Variants in NRG3 observed in about 807,000 individuals in gnomAD.
NRG3 encodes pro-neuregulin-3, membrane-bound isoform.
NRG3 carries 31 observed loss-of-function variants against 66.9 expected under a neutral mutation model. That is an observed-to-expected ratio of 0.46 (90% CI 0.35 to 0.63). The LOEUF (loss-of-function observed/expected upper bound fraction) is 0.63. Ranked by LOEUF, NRG3 falls within the 20% of genes least tolerant of loss-of-function variation. The pLI is 0.00. For missense variants in NRG3, 910 were observed against 878.9 expected (o/e 1.04, Z -0.45); for synonymous variants, 393 against 359.4 (o/e 1.09, Z -1.06).
At chr10:82,786,878 T>C (rs1181088149) in intron 3 of NRG3, among the ~76,000 whole-genome samples, 3 of 152,154 alleles carry the variant, frequency 2.0e-5, no homozygotes, top group Non-Finnish European at 4.4e-5. Context: ...ACAGACACCC[T>C]CCTCTGTCTC....
chr10:82,025,237 CTTA>C (rs1196377043), intron 1 of NRG3, among the ~76,000 whole-genome samples: 4 of 150,018 alleles, frequency 2.7e-5, no homozygotes, highest in Admixed American at 1.3e-4. Flanking sequence ...TATTAAATAT[CTTA>C]TTAATATTTT....
chr10:81,960,703 G>A lies in NRG3; in HGVS notation c.823+84540G>A, dbSNP rs557993583. Among the ~76,000 whole-genome samples, 17 of 151,162 alleles carry A rather than the reference G, an allele frequency of 1.1e-4. No homozygotes were observed. The South Asian group carries it at 3.2e-3, about 28-fold the overall frequency. On this transcript the variant is annotated intron_variant, in intron 1 of 8. Transcript: ENST00000372141. ...TTTCCTCCATACTGTCCTGCAGCCT[G>A]GGCGTTCCTTTGCCATAGTTGCTGG...
intron 1 of NRG3, among the ~76,000 whole-genome samples, chr10:82,250,464 T>C (rs2077431996): frequency 1.3e-5 from 2 of 152,034 alleles, no homozygotes; most frequent in South Asian, 4.2e-4. Context: ...CAGGCACCTG[T>C]AATTCCAGCT....
intron 3 of NRG3, among the ~76,000 whole-genome samples, chr10:82,749,160 G>A (rs1282000905): frequency 1.3e-5 from 2 of 152,074 alleles, no homozygotes; most frequent in Non-Finnish European, 1.5e-5. Context: ...AGTTGCAGTC[G>A]GAGTAGGGAA....
At chr10:82,292,585 G>A (rs974333146) in intron 1 of NRG3, among the ~76,000 whole-genome samples, 2 of 152,148 alleles carry the variant, frequency 1.3e-5, no homozygotes, top group Non-Finnish European at 2.9e-5. Context: ...AAACAACCTA[G>A]TTGTTCTCTG....
At position 82,865,348 on chromosome 10, in the gene NRG3, G is replaced by T. The variant is rs1029909940; in HGVS notation, c.1028-63G>T. ...TTATGAGCACTGATTTCCATGTATA[G>T]AGCTTTTTCTAACCTTTTTCTCTTT... is the stretch of plus-strand genomic sequence containing the variant. On this transcript the variant is annotated intron_variant, in intron 3 of 8. Transcript: ENST00000372141. The T allele has an allele frequency of 9.1e-5, 142 of 1,558,642 alleles. 1 individual carries two copies. The South Asian group carries it at 1.5e-3, about 17-fold the overall frequency.
At chr10:82,418,458 G>A (rs113766481) in intron 2 of NRG3, among the ~76,000 whole-genome samples, 1 of 152,082 alleles carries the variant, frequency 6.6e-6, no homozygotes, top group Non-Finnish European at 1.5e-5. Flanking sequence ...TTATGCAAAT[G>A]AAAAGAGGAG....
intron 2 of NRG3, among the ~76,000 whole-genome samples, chr10:82,439,811 C>T (rs1419441151): frequency 2.0e-5 from 3 of 151,902 alleles, no homozygotes; most frequent in Non-Finnish European, 4.4e-5. Context: ...GCTAGTATTT[C>T]ACTTTCAATT....
chr10:82,294,434 A>AGTGTGTGTGTGTGTGTGT (rs35072007), intron 1 of NRG3, among the ~76,000 whole-genome samples: 1 of 149,070 alleles, frequency 6.7e-6, no homozygotes, highest in Non-Finnish European at 1.5e-5. Flanking sequence ...CTACTGATGA[A>AGTGTGTGTGTGTGTGTGT]GTGTGTGTGT....
At chr10:82,093,374 T>C (rs1466879238) in intron 1 of NRG3, among the ~76,000 whole-genome samples, 2 of 152,210 alleles carry the variant, frequency 1.3e-5, no homozygotes, top group Admixed American at 6.5e-5. Context: ...CCTTCTACCA[T>C]TGTGAATCTT....
At chr10:82,296,794 T>C (rs1168719353) in intron 1 of NRG3, among the ~76,000 whole-genome samples, 1 of 151,994 alleles carries the variant, frequency 6.6e-6, no homozygotes, top group Non-Finnish European at 1.5e-5. Flanking sequence ...TTTTTTTAGA[T>C]TTGGGGGATA....
Position 82,582,662 on chromosome 10 carries a change from TTGTGTG to T in NRG3, c.954-155883_954-155878del, listed in dbSNP as rs141112949. Among the ~76,000 whole-genome samples, 1,324 of 146,468 alleles carry T rather than the reference TTGTGTG, an allele frequency of 9.0e-3. 7 individuals carry two copies. Among genetic ancestry groups the T allele is most frequent in the African/African-American group, 0.015 (623 of 40,308 alleles). On this transcript the variant is annotated intron_variant, in intron 2 of 8. Coordinates refer to ENST00000372141, the MANE Select transcript of NRG3 (RefSeq NM_001010848.4). ...GAAGAGGGAAAAATATCTATATGTG[TTGTGTG>T]TGTGTGTGTGTGTGTGTGTGTGTGT...
chr10:82,593,264 A>G (rs904051803), intron 2 of NRG3, among the ~76,000 whole-genome samples: 29 of 152,290 alleles, frequency 1.9e-4, no homozygotes, highest in African/African-American at 6.7e-4. Flanking sequence ...TTGTTGCCCC[A>G]TGGGGCTGGA....
intron 1 of NRG3, among the ~76,000 whole-genome samples, chr10:82,348,861 G>C (rs868384371): frequency 6.8e-6 from 1 of 148,096 alleles, no homozygotes; most frequent in Non-Finnish European, 1.5e-5. Context: ...TGATTGCATC[G>C]GCTCCTGAGG....
intron 1 of NRG3, among the ~76,000 whole-genome samples, chr10:82,337,889 T>C (rs888179193): frequency 1.1e-4 from 16 of 152,190 alleles, no homozygotes; most frequent in Non-Finnish European, 5.9e-5. Flanking sequence ...GAATAATAAG[T>C]AATATTTTAA....
intron 2 of NRG3, among the ~76,000 whole-genome samples, chr10:82,600,912 A>G (rs569020289): frequency 2.0e-5 from 3 of 152,070 alleles, no homozygotes; most frequent in South Asian, 2.1e-4. Context: ...ATAGAACCCA[A>G]TAGGAAGTTT....
chr10:82,658,561 G>GA (rs11295837), intron 2 of NRG3, among the ~76,000 whole-genome samples: 47 of 148,346 alleles, frequency 3.2e-4, no homozygotes, highest in Admixed American at 1.5e-3. Context: ...AAAAAAGCCA[G>GA]AAAAAAAAAA....
rs373916096 is a variant in NRG3 at position 81,877,969 on chromosome 10, T to C, written c.823+1806T>C. On this transcript the variant is annotated intron_variant, in intron 1 of 8. Coordinates refer to ENST00000372141, the MANE Select transcript of NRG3 (RefSeq NM_001010848.4). ...ATGCAGTTGATAGAATAATGGAGTG[T>C]GGTATACCTCCAACCCTTGTATGCG... 2.6e-3 allele frequency: 4,012 copies of C among 1,537,666 alleles called. 9 individuals carry two copies. The highest frequency in any genetic ancestry group is 3.2e-3 in the Non-Finnish European group (3,626 of 1,146,962).
intron 1 of NRG3, among the ~76,000 whole-genome samples, chr10:81,900,157 C>T (rs1303884998): frequency 2.0e-5 from 3 of 152,082 alleles, no homozygotes; most frequent in African/African-American, 7.2e-5. Context: ...CCATGTTGTC[C>T]AGGCTGGTCT....
Sources: allele counts gnomAD v4.1 joint callset (sites outside exome capture counted in the v4.1 genomes callset), GRCh38; gene constraint gnomAD v4.1.1; transcripts MANE v1.5; gene names NCBI Gene and HGNC (gene_info 2026-07-23, HGNC 2026-07-21).